Variants in BEND3 observed in about 807,000 individuals in gnomAD.
The protein encoded by BEND3 is BEN domain-containing protein 3.
BEND3 carries 13 observed loss-of-function variants against 60.1 expected under a neutral mutation model. The observed-to-expected ratio is 0.22, with a 90% CI of 0.14 to 0.34. The LOEUF (loss-of-function observed/expected upper bound fraction) is 0.34. BEND3 is among the 10% of genes least tolerant of loss of function. The pLI is 1.00. For missense variants in BEND3, 896 were observed against 1,138.1 expected, an observed-to-expected ratio of 0.79 and a Z score of 3.06; for synonymous variants, 497 against 491.5, an observed-to-expected ratio of 1.01 and a Z score of -0.15.
intron 3 of BEND3, among the ~76,000 whole-genome samples, chr6:107,085,650 CCTGA>C (rs782769872): frequency 1.3e-5 from 2 of 151,772 alleles, no homozygotes; most frequent in Non-Finnish European, 2.9e-5. Context: ...TGCCACCACG[CCTGA>C]CTAATTTTTT....
chr6:107,095,857 G>A (rs1433367875), intron 3 of BEND3, among the ~76,000 whole-genome samples: 1 of 152,180 alleles, frequency 6.6e-6, no homozygotes, highest in Non-Finnish European at 1.5e-5. Flanking sequence ...TATGGAGATG[G>A]TAAAGAGATC....
At chr6:107,108,613 TCA>T (rs138099146) in intron 1 of BEND3, among the ~76,000 whole-genome samples, 3,855 of 152,238 alleles carry the variant, frequency 0.025, 157 homozygotes, top group African/African-American at 0.087. Flanking sequence ...TAAGCAAGCC[TCA>T]GTCCTTCGCT....
At chr6:107,096,639 TA>T (rs1472788681) in intron 3 of BEND3, among the ~76,000 whole-genome samples, 1 of 151,726 alleles carries the variant, frequency 6.6e-6, no homozygotes, top group Non-Finnish European at 1.5e-5. Flanking sequence ...CAATTAAAAA[TA>T]AAAATGAAAT....
At chr6:107,087,931 T>C (rs1301044411) in intron 3 of BEND3, among the ~76,000 whole-genome samples, 1 of 132,304 alleles carries the variant, frequency 7.6e-6, no homozygotes, top group African/African-American at 2.9e-5. Context: ...ACACTTGACC[T>C]GAAATTCTAA....
At chr6:107,092,458 G>C (rs1554235375) in intron 3 of BEND3, among the ~76,000 whole-genome samples, 3 of 152,024 alleles carry the variant, frequency 2.0e-5, no homozygotes, top group Non-Finnish European at 4.4e-5. Flanking sequence ...AGTAAATTAG[G>C]ACTAGAGGGA....
intron 3 of BEND3, among the ~76,000 whole-genome samples, chr6:107,071,760 A>G (rs1198074499): frequency 1.3e-5 from 2 of 152,228 alleles, no homozygotes; most frequent in Admixed American, 6.5e-5. Flanking sequence ...AATAAATAAC[A>G]AAAAAGAGGT....
chr6:107,094,940 C>G (rs1230805526), intron 3 of BEND3, among the ~76,000 whole-genome samples: 1 of 151,738 alleles, frequency 6.6e-6, no homozygotes, highest in Admixed American at 6.6e-5. Context: ...CCCACCGCAG[C>G]CTCCCGAGTA....
At chr6:107,100,011 A>C (rs1283357180) in intron 1 of BEND3, among the ~76,000 whole-genome samples, 1 of 151,938 alleles carries the variant, frequency 6.6e-6, no homozygotes, top group Non-Finnish European at 1.5e-5. Context: ...CTAGGACTAC[A>C]GGTACCACAT....
Position 107,111,931 on chromosome 6 carries a change from G to A in BEND3, c.-12+3159C>T, listed in dbSNP as rs11965028. ...CAGGAGATGGATGTTGCAGTGGGCC[G>A]AGATCGCGCCACTGCACTCCAGCCT... On this transcript the variant is annotated intron_variant, in intron 1 of 3. Coordinates refer to ENST00000369042, the MANE Select transcript of BEND3 (RefSeq NM_001367314.1). Among the ~76,000 whole-genome samples the A allele has an allele frequency of 2.9e-3, 442 of 150,562 alleles. 1 individual carries two copies. Among genetic ancestry groups the A allele is most frequent in the African/African-American group, 0.01 (426 of 40,796 alleles).
At chr6:107,108,898 G>A (rs1233713737) in intron 1 of BEND3, among the ~76,000 whole-genome samples, 1 of 152,132 alleles carries the variant, frequency 6.6e-6, no homozygotes, top group Admixed American at 6.5e-5. Context: ...TCTGCATCCC[G>A]CGTTCAAGCA....
At chr6:107,085,771 G>T (rs1456426353) in intron 3 of BEND3, among the ~76,000 whole-genome samples, 1 of 131,828 alleles carries the variant, frequency 7.6e-6, no homozygotes, top group African/African-American at 2.9e-5. Context: ...GATTACAGGC[G>T]TGAGCCACCG....
Position 107,070,137 on chromosome 6 carries a change from C to T in BEND3, c.1054G>A (p.Gly352Ser), listed in dbSNP as rs782631034. ...GCCTCAAAGAAGCTGGCGACCTGGC[C>T]GCTGGGCTGGCTGTCCTCCATTTCC... ...QREMEDSQPS[G>S]QVASFFEAEQ... The change falls in exon 4 of 4, where the codon GGC (glycine) becomes AGC (serine). Residue 352 changes from glycine to serine, a missense_variant. Coordinates refer to ENST00000369042, the MANE Select transcript of BEND3 (RefSeq NM_001367314.1). This position sits in a 1 kb window ranked among gnomAD's most constrained non-coding sequence, Gnocchi z 6.9. 40 of 1,613,022 alleles carry T rather than the reference C, an allele frequency of 2.5e-5. No individual in the cohort carries two copies. The highest frequency in any genetic ancestry group is 3.3e-5 in the Non-Finnish European group (39 of 1,180,006).
In BEND3 at chr6:107,070,696, G is replaced by A; in HGVS notation, c.495C>T (p.Pro165=). 1 of 1,613,362 alleles carries A rather than the reference G, an allele frequency of 6.2e-7. No individual in the cohort carries two copies. Among genetic ancestry groups the A allele is most frequent in the Non-Finnish European group, 8.5e-7 (1 of 1,180,026 alleles). ...GCTCATTCAGGAGCCGCAGTGACGA[G>A]GGGCTGTTGCTGGCGTTTGCCTTCT... is the stretch of plus-strand genomic sequence containing the variant. ...LFEKANASNS[P]SSLRLLNEPQ... Residue 165 remains proline, a synonymous_variant, in exon 4 of 4, where the codon CCC becomes CCT. Transcript: ENST00000369042. The surrounding 1 kb of genome is among the most constrained non-coding windows in gnomAD (Gnocchi z 6.9).
At chr6:107,074,101 C>CTA (rs1311925113) in intron 3 of BEND3, among the ~76,000 whole-genome samples, 2 of 152,160 alleles carry the variant, frequency 1.3e-5, no homozygotes, top group African/African-American at 4.8e-5. Flanking sequence ...CTGAGTCTAT[C>CTA]TGAATCACAC....
intron 3 of BEND3, among the ~76,000 whole-genome samples, chr6:107,086,268 G>A (rs1775345460): frequency 6.6e-6 from 1 of 152,150 alleles, no homozygotes; most frequent in Non-Finnish European, 1.5e-5. Flanking sequence ...CCACTTAAGG[G>A]AGGAATGGAG....
At position 107,068,539 on chromosome 6, in the gene BEND3, C is replaced by T. The variant is rs1226184365; in HGVS notation, c.*165G>A. 3.8e-5 allele frequency: 28 copies of T among 729,206 alleles called. No individual in the cohort carries two copies. The highest frequency in any genetic ancestry group is 1.8e-4 in the Admixed American group (6 of 32,876). The allele number at this position is 729,206 out of a possible 1,614,324, so 45.2% of individuals were successfully genotyped here. On this transcript the variant is annotated 3_prime_UTR_variant, in exon 4 of 4. Coordinates refer to ENST00000369042, the MANE Select transcript of BEND3 (RefSeq NM_001367314.1). This position sits in a 1 kb window ranked among gnomAD's most constrained non-coding sequence, Gnocchi z 5.8. ...GACCAAACTCAAGGCTTCTTTCTTG[C>T]GGTTGGGTGGGTGTTTACGTGTGCA...
At chr6:107,073,424 C>T (rs915448559) in intron 3 of BEND3, among the ~76,000 whole-genome samples, 6 of 151,198 alleles carry the variant, frequency 4.0e-5, no homozygotes, top group African/African-American at 1.5e-4. Flanking sequence ...CTGGGGTCTC[C>T]TTGCCAAGCT....
chr6:107,112,887 G>A (rs915443255), intron 1 of BEND3, among the ~76,000 whole-genome samples: 4 of 151,556 alleles, frequency 2.6e-5, no homozygotes, highest in Non-Finnish European at 5.9e-5. Flanking sequence ...GGCTGGGCGC[G>A]GTGGCTCACG....
rs142124225 is a variant in BEND3 at position 107,080,063 on chromosome 6, C to T, written c.241-9113G>A. On this transcript the variant is annotated intron_variant, in intron 3 of 3. Transcript: ENST00000369042. Reference sequence around the variant, plus strand: ...CTTTTTTGATTATCACTGGCTGCATCCTCTAGGTTCCTCCTGTCTTTAATG... The same window carrying T: ...CTTTTTTGATTATCACTGGCTGCATTCTCTAGGTTCCTCCTGTCTTTAATG... 5.1e-3 allele frequency among the ~76,000 whole-genome samples: 781 copies of T among 151,940 alleles called. 1 individual carries two copies. The highest frequency in any genetic ancestry group is 8.6e-3 in the Admixed American group (131 of 15,248).
Sources: allele counts gnomAD v4.1 joint callset (sites outside exome capture counted in the v4.1 genomes callset), GRCh38; gene constraint gnomAD v4.1.1; non-coding constraint Gnocchi (gnomAD v3.1); transcripts MANE v1.5; gene names NCBI Gene and HGNC (gene_info 2026-07-23, HGNC 2026-07-21).